GALNT13: variants seen among roughly 807,000 people sequenced by gnomAD.
GALNT13 encodes UDP-GalNAc:polypeptide N-acetylgalactosaminyltransferase 13.
In GALNT13, 28 loss-of-function variants were observed where a neutral mutation model predicts 64.2. That is an observed-to-expected ratio of 0.44 (90% confidence interval 0.32 to 0.60). GALNT13 has a LOEUF of 0.60. GALNT13 is among the 20% of genes least tolerant of loss of function. GALNT13 has a pLI of 0.05. For synonymous variants in GALNT13, 214 were observed against 224.6 expected (o/e 0.95, Z 0.42); for missense variants, 577 against 669.8 (o/e 0.86, Z 1.53).
chr2:153,503,145 T>G, the GALNT13 span, among the ~76,000 whole-genome samples: 1 of 152,216 alleles, frequency 6.6e-6, no homozygotes, highest in African/African-American at 2.4e-5. Context: ...GGTCATGAAG[T>G]CTTTGCCTAA....
At chr2:153,405,336 G>T in the GALNT13 span, among the ~76,000 whole-genome samples, 1 of 152,194 alleles carries the variant, frequency 6.6e-6, no homozygotes, top group Non-Finnish European at 1.5e-5. Context: ...AATTTAGTCA[G>T]CCTGACTGCA....
chr2:154,271,997 A>G (rs996338599), intron 8 of GALNT13, among the ~76,000 whole-genome samples: 1 of 151,954 alleles, frequency 6.6e-6, no homozygotes, highest in Non-Finnish European at 1.5e-5. Flanking sequence ...AAAGATGGAC[A>G]GGAATTAAAT....
chr2:154,418,921 A>G (rs1700138945), intron 11 of GALNT13, among the ~76,000 whole-genome samples: 1 of 152,188 alleles, frequency 6.6e-6, no homozygotes, highest in Non-Finnish European at 1.5e-5. Flanking sequence ...TTCTTCAGAA[A>G]GTTTTAATTG....
chr2:154,049,030 G>T (rs2105342333), intron 3 of GALNT13, among the ~76,000 whole-genome samples: 1 of 152,118 alleles, frequency 6.6e-6, no homozygotes, highest in African/African-American at 2.4e-5. Flanking sequence ...CAAGAACTCA[G>T]TAAGAATTTT....
chr2:154,058,063 A>G (rs1425576233), intron 3 of GALNT13, among the ~76,000 whole-genome samples: 1 of 152,190 alleles, frequency 6.6e-6, no homozygotes, highest in East Asian at 1.9e-4. Context: ...CCAATGTTAT[A>G]GTATTTGGAG....
At chr2:154,291,746 C>T (rs1337025082) in intron 8 of GALNT13, among the ~76,000 whole-genome samples, 1 of 152,276 alleles carries the variant, frequency 6.6e-6, no homozygotes, top group Non-Finnish European at 1.5e-5. Flanking sequence ...GAGGGGCCCC[C>T]ACAGCACAGC....
intron 4 of GALNT13, among the ~76,000 whole-genome samples, chr2:154,142,639 G>A (rs573745143): frequency 6.9e-4 from 104 of 150,848 alleles, no homozygotes; most frequent in African/African-American, 1.8e-3. Flanking sequence ...AGGTTTATTT[G>A]GTATCTTAGC....
chr2:153,872,501 C>A (rs1686021904), intron 1 of GALNT13, among the ~76,000 whole-genome samples, 198 bp downstream of exon 1: 1 of 152,030 alleles, frequency 6.6e-6, no homozygotes, highest in Admixed American at 6.5e-5. Flanking sequence ...CCCGGGAGCT[C>A]CGAGTGCGCT....
At chr2:153,686,209 A>G in the GALNT13 span, among the ~76,000 whole-genome samples, 1 of 151,728 alleles carries the variant, frequency 6.6e-6, no homozygotes, top group East Asian at 1.9e-4. Flanking sequence ...TAATAGGCAT[A>G]GCATTAAATC....
At chr2:154,241,183 G>A (rs561681751) in intron 4 of GALNT13, among the ~76,000 whole-genome samples, 1 of 152,266 alleles carries the variant, frequency 6.6e-6, no homozygotes, top group South Asian at 2.1e-4. Context: ...GTCTGGGGGT[G>A]GTGGAGCGGG....
the GALNT13 span, among the ~76,000 whole-genome samples, chr2:153,721,122 A>G: frequency 6.8e-6 from 1 of 147,150 alleles, no homozygotes; most frequent in Non-Finnish European, 1.5e-5. Flanking sequence ...CTCGGCAGAA[A>G]CCCTACAAGC....
At chr2:154,364,848 T>G (rs991659268) in intron 9 of GALNT13, among the ~76,000 whole-genome samples, 1 of 152,148 alleles carries the variant, frequency 6.6e-6, no homozygotes, top group Non-Finnish European at 1.5e-5. Context: ...TTTTTGTATA[T>G]TTAGTAGAGA....
the GALNT13 span, among the ~76,000 whole-genome samples, chr2:153,348,732 G>A: frequency 5.1e-4 from 77 of 152,268 alleles, no homozygotes; most frequent in African/African-American, 1.7e-3. Flanking sequence ...ATTCATATAT[G>A]TAAAGCTTAT....
the GALNT13 span, among the ~76,000 whole-genome samples, chr2:153,197,379 G>C: frequency 2.6e-5 from 4 of 152,244 alleles, no homozygotes; most frequent in Admixed American, 1.3e-4. Context: ...GACATAGGCT[G>C]TGATGGTTGT....
Position 154,394,043 on chromosome 2 carries a change from A to C in GALNT13, c.1157-1948A>C, listed in dbSNP as rs1054394121. ...CAGTGAGCCGAGATTGCGCCACTGC[A>C]CTCCAGCCTGGGCGACAGAGCGAGA... On this transcript the variant is annotated intron_variant, in intron 9 of 12. Coordinates refer to ENST00000392825, the MANE Select transcript of GALNT13 (RefSeq NM_052917.4). Among the ~76,000 whole-genome samples the C allele has an allele frequency of 2.5e-5, 3 of 118,166 alleles. No individual in the cohort carries two copies. The East Asian group carries it at 9.0e-4, about 35-fold the overall frequency. The allele number at this position is 118,166 out of a possible 152,430, so 77.5% of individuals were successfully genotyped here.
the GALNT13 span, among the ~76,000 whole-genome samples, chr2:153,344,268 C>T: frequency 1.3e-5 from 2 of 152,140 alleles, no homozygotes; most frequent in African/African-American, 4.8e-5. Flanking sequence ...TTTGTAAAAG[C>T]GAAAGGATGT....
rs183491991 is a variant in GALNT13, at chr2:153,974,344, C to G, written c.142+29705C>G. 1.2e-3 allele frequency among the ~76,000 whole-genome samples: 190 copies of G among 152,206 alleles called. 2 individuals are homozygous for G. The highest frequency in any genetic ancestry group is 1.2e-3 in the Non-Finnish European group (81 of 67,982). ...GTATGAGACAGATTTGTATTTTAAT[C>G]AATCTGTCATTACCTGAAGGTGTGA... On this transcript the variant is annotated intron_variant, in intron 3 of 12. Coordinates refer to ENST00000392825, the MANE Select transcript of GALNT13 (RefSeq NM_052917.4).
chr2:153,435,036 C>A, the GALNT13 span, among the ~76,000 whole-genome samples: 4 of 152,160 alleles, frequency 2.6e-5, no homozygotes, highest in African/African-American at 9.7e-5. Flanking sequence ...CCAGTTTCAG[C>A]TTTCTACATA....
At chr2:153,166,089 G>A in the GALNT13 span, among the ~76,000 whole-genome samples, 1 of 151,996 alleles carries the variant, frequency 6.6e-6, no homozygotes, top group African/African-American at 2.4e-5. Flanking sequence ...TAATCTCTAG[G>A]GGAAGCCTAA....
Sources: allele counts gnomAD v4.1 joint callset (sites outside exome capture counted in the v4.1 genomes callset), GRCh38; gene constraint gnomAD v4.1.1; transcripts MANE v1.5; gene names NCBI Gene and HGNC (gene_info 2026-07-23, HGNC 2026-07-21).